AQR: variants seen among roughly 807,000 people sequenced by gnomAD.
AQR encodes the protein aquarius intron-binding spliceosomal factor.
In AQR, 61 loss-of-function variants were observed where a neutral mutation model predicts 180.5. The ratio of observed to expected loss-of-function variants is 0.34; its 90% CI spans 0.28 to 0.42. The LOEUF (loss-of-function observed/expected upper bound fraction) is 0.42. Ranked by LOEUF, AQR falls within the 10% of genes least tolerant of loss-of-function variation. The probability of loss-of-function intolerance (pLI) is 1.00; values close to 1 mark genes in which losing one functional copy is unlikely to be tolerated. For missense variants in AQR, 1,281 were observed against 1,798.3 expected (o/e 0.71, Z 5.20); for synonymous variants, 551 against 588.8 (o/e 0.94, Z 0.93).
chr15:34,899,858 A>G (rs768121437), intron 20 of AQR, among the ~76,000 whole-genome samples: 1 of 152,106 alleles, frequency 6.6e-6, no homozygotes, highest in Non-Finnish European at 1.5e-5. Context: ...AAATTTTAAG[A>G]CCAGACCTAA....
chr15:34,956,135 G>T (rs919587465), intron 3 of AQR, among the ~76,000 whole-genome samples: 1 of 152,084 alleles, frequency 6.6e-6, no homozygotes, highest in African/African-American at 2.4e-5. Flanking sequence ...TAATTCGTAA[G>T]GCTATACATT....
At position 34,886,609 on chromosome 15, in the gene AQR, C is replaced by G; in HGVS notation, c.2734G>C (p.Val912Leu). ...LARRIELLEEVKRLQKSLGVP... is the reference protein window; with the variant it reads ...LARRIELLEELKRLQKSLGVP... ...CCTAGACTCTTTTGCAATCGTTTGA[C>G]TTCTTCTAAAAGTTCTATTCTTCGA... is the stretch of plus-strand genomic sequence containing the variant. Residue 912 changes from valine (V) to leucine (L), a missense_variant, in exon 25 of 35, where the codon GTC (valine) becomes CTC (leucine). Transcript: ENST00000156471. The G allele has an allele frequency of 3.1e-6, 5 of 1,614,012 alleles. No homozygotes were observed. The highest frequency in any genetic ancestry group is 4.2e-6 in the Non-Finnish European group (5 of 1,179,966).
intron 4 of AQR, among the ~76,000 whole-genome samples, chr15:34,949,687 T>G (rs1342496147): frequency 6.8e-6 from 1 of 146,710 alleles, no homozygotes; most frequent in Non-Finnish European, 1.5e-5. Flanking sequence ...CCAGGTGTGG[T>G]GGCTGACACC....
At chr15:34,872,269 T>C (rs1023141392) in intron 30 of AQR, among the ~76,000 whole-genome samples, 16 of 152,318 alleles carry the variant, frequency 1.1e-4, no homozygotes, top group African/African-American at 3.8e-4. Flanking sequence ...CTCTCGACAC[T>C]AATTCTTCAA....
chr15:34,954,926 C>A (rs1287506950), intron 3 of AQR, among the ~76,000 whole-genome samples: 1 of 152,186 alleles, frequency 6.6e-6, no homozygotes, highest in East Asian at 1.9e-4. Flanking sequence ...GGTTCGAGAC[C>A]AGCATGGACA....
intron 9 of AQR, among the ~76,000 whole-genome samples, chr15:34,935,415 T>C (rs1441870162): frequency 2.0e-5 from 3 of 152,194 alleles, no homozygotes; most frequent in African/African-American, 7.2e-5. Context: ...GGTTTCCTGT[T>C]GCTACTTAGT....
At chr15:34,937,696 C>T (rs1229791097) in intron 9 of AQR, among the ~76,000 whole-genome samples, 1 of 151,952 alleles carries the variant, frequency 6.6e-6, no homozygotes, top group Non-Finnish European at 1.5e-5. Flanking sequence ...CCAGCCTGGC[C>T]AACATGGTAA....
At chr15:34,910,413 A>G in intron 16 of AQR, 100 bp from the exon 17 acceptor site, 1 of 1,261,118 alleles carries the variant, frequency 7.9e-7, no homozygotes, top group Non-Finnish European at 1.1e-6. Flanking sequence ...TTCAGCTAGT[A>G]TTTAAGTCCT....
chr15:34,912,952 T>A (rs934276736), intron 16 of AQR, among the ~76,000 whole-genome samples: 1 of 152,224 alleles, frequency 6.6e-6, no homozygotes, highest in African/African-American at 2.4e-5. Context: ...TGGTTAGTAT[T>A]GGGACAATGT....
In AQR at chr15:34,862,711, T is replaced by C. The variant is rs181938059; in HGVS notation, c.4029+156A>G. Among the ~76,000 whole-genome samples, 566 of 152,294 alleles carry C rather than the reference T, an allele frequency of 3.7e-3. 1 individual carries two copies. Among genetic ancestry groups the C allele is most frequent in the Non-Finnish European group, 5.4e-3 (369 of 68,028 alleles). On this transcript the variant is annotated intron_variant, in intron 33 of 34. Transcript: ENST00000156471. Reference sequence around the variant, plus strand: ...CTGCGCCCTACCGATATCATTTTTATATAGAAAATCTACCTCAGTTCCTCA... The same window carrying C: ...CTGCGCCCTACCGATATCATTTTTACATAGAAAATCTACCTCAGTTCCTCA...
intron 33 of AQR, among the ~76,000 whole-genome samples, chr15:34,860,437 T>C (rs1026377064): frequency 6.6e-6 from 1 of 151,308 alleles, no homozygotes; most frequent in Non-Finnish European, 1.5e-5. Flanking sequence ...TCATGAAGAA[T>C]AGTGATTCCA....
intron 5 of AQR, among the ~76,000 whole-genome samples, chr15:34,944,816 T>C (rs1304039551): frequency 6.6e-6 from 1 of 152,230 alleles, no homozygotes; most frequent in Non-Finnish European, 1.5e-5. Flanking sequence ...CTGTAATTAA[T>C]CTCAAGAACA....
At chr15:34,858,432 AAAG>A (rs1892622820) in intron 34 of AQR, among the ~76,000 whole-genome samples, 1 of 152,188 alleles carries the variant, frequency 6.6e-6, no homozygotes, top group African/African-American at 2.4e-5. Flanking sequence ...ATGAGAATTT[AAAG>A]AAGATCTAAA....
chr15:34,885,531 T>G (rs561432970), intron 25 of AQR, among the ~76,000 whole-genome samples: 24 of 152,314 alleles, frequency 1.6e-4, no homozygotes, highest in Non-Finnish European at 2.2e-4. Flanking sequence ...TCTTAAATGT[T>G]GAAAACTGCC....
chr15:34,903,574 G>A (rs2140477699), intron 19 of AQR, among the ~76,000 whole-genome samples: 1 of 152,206 alleles, frequency 6.6e-6, no homozygotes, highest in South Asian at 2.1e-4. Flanking sequence ...CAACAACAGG[G>A]AGAGATGAAG....
Position 34,856,504 on chromosome 15 carries a change from A to C in AQR, c.*288T>G, listed in dbSNP as rs1178990906. On this transcript the variant is annotated 3_prime_UTR_variant, in exon 35 of 35. Transcript: ENST00000156471. ...TCACTAAAAATGTGAAGTATATATT[A>C]TATATTCATAGAAAATGATTTTAAT... is the stretch of plus-strand genomic sequence containing the variant. 6 of 414,984 alleles carry C rather than the reference A, an allele frequency of 1.4e-5. No individual in the cohort carries two copies. The East Asian group carries it at 1.7e-4, about 12-fold the overall frequency. 25.7% of individuals were successfully genotyped at this position (414,984 alleles called of 1,614,324 possible). A position where few individuals can be genotyped will look rare whatever the true frequency, so the allele number is the denominator to read the frequency against.
At position 34,853,070 on chromosome 15, in the gene AQR, A is replaced by G. The variant is rs1892536775; in HGVS notation, c.*3722T>C. The G allele has an allele frequency of 6.6e-6, 1 of 152,180 alleles. No homozygotes were observed. Among genetic ancestry groups the G allele is most frequent in the African/African-American group, 2.4e-5 (1 of 41,438 alleles). The allele number at this position is 152,180 out of a possible 1,614,324, so 9.4% of individuals were successfully genotyped here. A position where few individuals can be genotyped will look rare whatever the true frequency, so the allele number is the denominator to read the frequency against. ...GTAACTGAAGAGTATCGGTGGATGA[A>G]GAAAAAATAGTCTCACATGTCTTCA... On this transcript the variant is annotated 3_prime_UTR_variant, in exon 35 of 35. Transcript: ENST00000156471.
chr15:34,928,043 C>A (rs1228156410), intron 12 of AQR, among the ~76,000 whole-genome samples: 1 of 152,156 alleles, frequency 6.6e-6, no homozygotes, highest in Non-Finnish European at 1.5e-5. Context: ...ACATGCCACA[C>A]CAGCTGTGGT....
intron 1 of AQR, 93 bp downstream of exon 1, chr15:34,969,446 G>C (rs187078083): frequency 2.3e-6 from 3 of 1,310,708 alleles, no homozygotes; most frequent in South Asian, 2.5e-5. Flanking sequence ...TGCCTCCTCC[G>C]GACTCCTAAA....
Sources: gnomAD v4.1 joint callset for allele counts (sites outside exome capture counted in the v4.1 genomes callset) on GRCh38, gnomAD v4.1.1 for gene constraint, MANE v1.5 for transcripts, NCBI Gene and HGNC (gene_info 2026-07-23, HGNC 2026-07-21) for gene names.